PLA2G6: variants seen among roughly 807,000 people sequenced by gnomAD.
PLA2G6 encodes phospholipase A2 group VI, also known as 85/88 kDa calcium-independent phospholipase A2.
In PLA2G6, 62 loss-of-function variants were observed where a neutral mutation model predicts 83.8. The ratio of observed to expected loss-of-function variants is 0.74; its 90% CI spans 0.60 to 0.91. PLA2G6 has a LOEUF of 0.91. PLA2G6 is among the 40% of genes least tolerant of loss of function. The pLI, the probability that PLA2G6 is intolerant of heterozygous loss-of-function variation, is 0.00. For synonymous variants in PLA2G6, 417 were observed against 449.8 expected, an observed-to-expected ratio of 0.93 and a Z score of 0.92; for missense variants, 944 against 1,102.0, an observed-to-expected ratio of 0.86 and a Z score of 2.03.
chr22:38,140,494 C>A (rs1190699286), intron 4 of PLA2G6: 3 of 299,344 alleles, frequency 1.0e-5, no homozygotes, highest in Non-Finnish European at 1.3e-5. Context: ...GGCAATAGAG[C>A]AAAAACTCTG....
intron 2 of PLA2G6, among the ~76,000 whole-genome samples, chr22:38,153,094 C>A (rs2089636154): frequency 6.6e-6 from 1 of 152,080 alleles, no homozygotes; most frequent in Non-Finnish European, 1.5e-5. Flanking sequence ...GTGGTGGTTA[C>A]ATGGGGGTGT....
intron 7 of PLA2G6, 107 bp from the exon 8 acceptor site, chr22:38,129,669 C>G: frequency 1.3e-6 from 1 of 791,702 alleles, no homozygotes. Flanking sequence ...GCGGGCCTCT[C>G]CTCAGCACGG....
chr22:38,175,307 C>G (rs2090591477), intron 1 of PLA2G6, among the ~76,000 whole-genome samples: 1 of 152,146 alleles, frequency 6.6e-6, no homozygotes, highest in Admixed American at 6.5e-5. Context: ...GTTCCCAACC[C>G]AGCCTGACAC....
In PLA2G6 at chr22:38,112,110, C is replaced by T; in HGVS notation, c.*51G>A. ...AGGGCAGTGGCTGGGCTTGGCCTGG[C>T]AGGGGCTGAATGGACGAGGTCAGCT... On this transcript the variant is annotated 3_prime_UTR_variant, in exon 17 of 17. Coordinates refer to ENST00000332509, the MANE Select transcript of PLA2G6 (RefSeq NM_003560.4). 3 of 1,551,456 alleles carry T rather than the reference C, an allele frequency of 1.9e-6. No individual in the cohort carries two copies. Among genetic ancestry groups the T allele is most frequent in the South Asian group, 2.4e-5 (2 of 84,278 alleles).
In PLA2G6 at chr22:38,128,326, G is replaced by A. The variant is rs1353523649; in HGVS notation, c.1291C>T (p.His431Tyr). 14 of 1,613,432 alleles carry A rather than the reference G, an allele frequency of 8.7e-6. No individual in the cohort carries two copies. Among genetic ancestry groups the A allele is most frequent in the Non-Finnish European group, 1.2e-5 (14 of 1,180,008 alleles). The change falls in exon 9 of 17, where the codon CAT (histidine) becomes TAT (tyrosine). Residue 431 changes from histidine (H) to tyrosine (Y), a missense_variant. His to Tyr is a moderately conservative substitution (Grantham distance 83, BLOSUM62 2). Coordinates refer to ENST00000332509, the MANE Select transcript of PLA2G6 (RefSeq NM_003560.4). The surrounding 1 kb of genome is among the most constrained non-coding windows in gnomAD (Gnocchi z 4.4). ...GCTCTTTCCAGGGAGAAGGGATGAT[G>A]TGGCGCTGCAGAGCCCTGCTCCGCG... ...VPAEQGSAAPHHPFSLERAQP... is the reference protein window; with the variant it reads ...VPAEQGSAAPYHPFSLERAQP...
chr22:38,147,861 G>C (rs916612606), intron 2 of PLA2G6: 1 of 153,148 alleles, frequency 6.5e-6, no homozygotes, highest in Non-Finnish European at 1.5e-5. Context: ...CCGAGCCTAT[G>C]TTATTATGGA....
intron 3 of PLA2G6, chr22:38,143,640 C>T: frequency 2.5e-6 from 1 of 402,814 alleles, no homozygotes; most frequent in South Asian, 2.1e-5. Flanking sequence ...TCCTTATCGA[C>T]ACAAGCTGCT....
At chr22:38,150,786 T>C (rs991158177) in intron 2 of PLA2G6, among the ~76,000 whole-genome samples, 4 of 152,112 alleles carry the variant, frequency 2.6e-5, no homozygotes, top group Non-Finnish European at 5.9e-5. Context: ...CTTAAAGAGC[T>C]GAAAAGAAAA....
Position 38,123,857 on chromosome 22 carries a change from C to T in PLA2G6, c.1428-599G>A, listed in dbSNP as rs1371345649. 2.0e-5 allele frequency among the ~76,000 whole-genome samples: 3 copies of T among 152,096 alleles called. No individual in the cohort carries two copies. The highest frequency in any genetic ancestry group is 4.4e-5 in the Non-Finnish European group (3 of 68,006). On this transcript the variant is annotated intron_variant, in intron 10 of 16. Coordinates refer to ENST00000332509, the MANE Select transcript of PLA2G6 (RefSeq NM_003560.4). The surrounding 1 kb of genome is among the most constrained non-coding windows in gnomAD (Gnocchi z 4.1). Reference sequence around the variant, plus strand: ...ATCCCTGTGCTTATTTATTTAGAGACGGAGTTTCACTCTTGTTGCCCAGGC... The same window carrying T: ...ATCCCTGTGCTTATTTATTTAGAGATGGAGTTTCACTCTTGTTGCCCAGGC...
chr22:38,157,864 G>T (rs553328563), intron 2 of PLA2G6, among the ~76,000 whole-genome samples: 1 of 151,872 alleles, frequency 6.6e-6, no homozygotes, highest in Admixed American at 6.6e-5. Flanking sequence ...GTGAAACCCC[G>T]TCTCTACTAA....
intron 2 of PLA2G6, among the ~76,000 whole-genome samples, chr22:38,151,615 A>G (rs1275703973): frequency 2.6e-5 from 4 of 152,260 alleles, no homozygotes; most frequent in African/African-American, 9.6e-5. Flanking sequence ...ATGAAGCACC[A>G]TGGCAAGTTA....
intron 2 of PLA2G6, among the ~76,000 whole-genome samples, chr22:38,155,358 T>A (rs950886897): frequency 1.3e-5 from 2 of 152,000 alleles, no homozygotes. Flanking sequence ...CACTTGAAAG[T>A]ACAGAACTTA....
At chr22:38,136,223 A>G (rs1001460020) in intron 5 of PLA2G6, 6 of 152,116 alleles carry the variant, frequency 3.9e-5, no homozygotes, top group Admixed American at 3.9e-4. Context: ...GTGATAAGAA[A>G]AGTTTTAGAA....
At chr22:38,116,269 T>G (rs1432000971) in intron 12 of PLA2G6, 58 bp from the exon 13 acceptor site, 1 of 1,595,718 alleles carries the variant, frequency 6.3e-7, no homozygotes, top group Non-Finnish European at 8.6e-7. Flanking sequence ...CCTTTCCCTT[T>G]CCCCACAATT....
intron 13 of PLA2G6, 84 bp from the exon 14 acceptor site, chr22:38,115,765 TG>T: frequency 6.6e-7 from 1 of 1,509,214 alleles, no homozygotes; most frequent in East Asian, 2.5e-5. Flanking sequence ...GTGTGCGTGT[TG>T]GGGGCTGGGG....
intron 3 of PLA2G6, chr22:38,145,001 C>G: frequency 5.9e-6 from 2 of 338,490 alleles, no homozygotes; most frequent in Non-Finnish European, 1.1e-5. Flanking sequence ...CATTGTCCTT[C>G]TTACATTTTA....
chr22:38,127,071 A>G, intron 9 of PLA2G6: 1 of 1,099,116 alleles, frequency 9.1e-7, no homozygotes, highest in South Asian at 2.4e-5. Flanking sequence ...CGTCCACCCA[A>G]CTGACTAGCT....
At position 38,169,456 on chromosome 22, in the gene PLA2G6, C is replaced by G; in HGVS notation, c.-30G>C. Reference sequence around the variant, plus strand: ...TGCGGGGCAGGTGGGGAGGCCCCACCGTCTTCCCCCTCTGTCTGGAAGAAA... The same window carrying G: ...TGCGGGGCAGGTGGGGAGGCCCCACGGTCTTCCCCCTCTGTCTGGAAGAAA... On this transcript the variant is annotated 5_prime_UTR_variant, in exon 2 of 17. Transcript: ENST00000332509. 2 of 1,586,776 alleles carry G rather than the reference C, an allele frequency of 1.3e-6. No homozygotes were observed. The highest frequency in any genetic ancestry group is 1.7e-6 in the Non-Finnish European group (2 of 1,156,878).
At chr22:38,144,961 TG>T in intron 3 of PLA2G6, 1 of 353,974 alleles carries the variant, frequency 2.8e-6, no homozygotes, top group Admixed American at 3.4e-5. Context: ...ACCTGGCACC[TG>T]GTGAGCACTC....
Sources: gnomAD v4.1 joint callset for allele counts (sites outside exome capture counted in the v4.1 genomes callset) on GRCh38, gnomAD v4.1.1 for gene constraint, Gnocchi (gnomAD v3.1) non-coding constraint, MANE v1.5 for transcripts, NCBI Gene and HGNC (gene_info 2026-07-23, HGNC 2026-07-21) for gene names.